The following MACROD2 variants were observed in gnomAD, a reference collection of about 807,000 sequenced individuals.
MACROD2 encodes the protein mono-ADP ribosylhydrolase 2.
MACROD2 carries 36 observed loss-of-function variants against 70.4 expected under a neutral mutation model. That is an observed-to-expected ratio of 0.51 (90% CI 0.39 to 0.68). The LOEUF is 0.68. MACROD2 is among the 30% of genes least tolerant of loss of function. MACROD2 has a pLI of 0.00. For missense variants in MACROD2, 496 were observed against 538.4 expected, an observed-to-expected ratio of 0.92 and a Z score of 0.78; for synonymous variants, 172 against 178.8, an observed-to-expected ratio of 0.96 and a Z score of 0.30.
intron 5 of MACROD2, among the ~76,000 whole-genome samples, chr20:15,127,069 C>G (rs962084358): frequency 6.6e-6 from 1 of 152,122 alleles, no homozygotes; most frequent in Admixed American, 6.6e-5. Context: ...CACTGCCACA[C>G]TCTTGGTTTT....
intron 6 of MACROD2, among the ~76,000 whole-genome samples, chr20:15,337,786 C>T (rs1254331696): frequency 6.6e-6 from 1 of 151,660 alleles, no homozygotes; most frequent in Non-Finnish European, 1.5e-5. Context: ...AATTACAGTA[C>T]AGCTTGTAGA....
chr20:14,917,377 C>T (rs2074105180), intron 5 of MACROD2, among the ~76,000 whole-genome samples: 1 of 151,960 alleles, frequency 6.6e-6, no homozygotes, highest in South Asian at 2.1e-4. Flanking sequence ...GCTGATTGTT[C>T]CATTGTGGGT....
At chr20:15,815,298 G>A (rs2063861205) in intron 8 of MACROD2, among the ~76,000 whole-genome samples, 1 of 152,244 alleles carries the variant, frequency 6.6e-6, no homozygotes, top group East Asian at 1.9e-4. Context: ...CCTCTCTAAA[G>A]TGCCTTAAAG....
chr20:14,221,435 A>G (rs1435614521), intron 3 of MACROD2, among the ~76,000 whole-genome samples: 1 of 152,214 alleles, frequency 6.6e-6, no homozygotes, highest in Non-Finnish European at 1.5e-5. Context: ...TACCCCCTGC[A>G]GAAAAATGAA....
At chr20:15,367,699 T>A (rs2045431446) in intron 6 of MACROD2, among the ~76,000 whole-genome samples, 1 of 152,146 alleles carries the variant, frequency 6.6e-6, no homozygotes, top group Non-Finnish European at 1.5e-5. Context: ...TTTTTTTGTT[T>A]GCTTTGTTTT....
chr20:15,330,535 G>A lies in MACROD2; in HGVS notation c.540+100474G>A, dbSNP rs1365360630. ...GAGGAGGGCTGATGGAAGATTATAA[G>A]CAGACCATTTCCAGAGCAACAAAAA... On this transcript the variant is annotated intron_variant, in intron 6 of 17. Transcript: ENST00000684519. Among the ~76,000 whole-genome samples the A allele has an allele frequency of 3.3e-5, 5 of 151,636 alleles. No individual in the cohort carries two copies. In the South Asian group the frequency reaches 1.0e-3, roughly 31 times the overall value.
At position 16,050,069 on chromosome 20, in the gene MACROD2, A is replaced by AG. The variant is rs987553519; in HGVS notation, c.*194dup. The AG allele has an allele frequency of 1.9e-6, 1 of 532,488 alleles. No individual in the cohort carries two copies. The highest frequency in any genetic ancestry group is 1.9e-5 in the African/African-American group (1 of 51,536). The allele number at this position is 532,488 out of a possible 1,614,324, so 33.0% of individuals were successfully genotyped here. A position where few individuals can be genotyped will look rare whatever the true frequency, so the allele number is the denominator to read the frequency against. The stretch of plus-strand genomic sequence containing the variant: ...AAAGAAAGAAAAAAAAGAAAAAAAA[A>AG]GTTTCCTTTAATTTGGTGGAGGGAC... On this transcript the variant is annotated 3_prime_UTR_variant, in exon 18 of 18. Transcript: ENST00000684519.
At chr20:15,993,184 G>C (rs887960842) in intron 15 of MACROD2, among the ~76,000 whole-genome samples, 1 of 151,740 alleles carries the variant, frequency 6.6e-6, no homozygotes. Context: ...TGATTAACTA[G>C]TAAGGGAATC....
intron 4 of MACROD2, among the ~76,000 whole-genome samples, chr20:14,575,148 T>A (rs1980511152): frequency 6.6e-6 from 1 of 151,938 alleles, no homozygotes; most frequent in Non-Finnish European, 1.5e-5. Context: ...TTTACCAAAT[T>A]GGAAATTAAA....
At chr20:15,620,902 C>G (rs2049115315) in intron 8 of MACROD2, among the ~76,000 whole-genome samples, 1 of 152,062 alleles carries the variant, frequency 6.6e-6, no homozygotes, top group Non-Finnish European at 1.5e-5. Flanking sequence ...AATGTGTTAT[C>G]AAGCAGTAGA....
chr20:15,802,967 G>A (rs960251302), intron 8 of MACROD2, among the ~76,000 whole-genome samples: 2 of 152,006 alleles, frequency 1.3e-5, no homozygotes, highest in African/African-American at 4.8e-5. Flanking sequence ...ATTAAAGCAG[G>A]AAGAAATAGA....
At chr20:15,827,277 A>G (rs2147111563) in intron 8 of MACROD2, among the ~76,000 whole-genome samples, 1 of 152,304 alleles carries the variant, frequency 6.6e-6, no homozygotes, top group East Asian at 1.9e-4. Flanking sequence ...ATTCAAGAGG[A>G]GACTTTGGAT....
intron 8 of MACROD2, among the ~76,000 whole-genome samples, chr20:15,693,865 C>T (rs1436910594): frequency 1.5e-5 from 2 of 137,840 alleles, no homozygotes; most frequent in African/African-American, 2.6e-5. Context: ...CCCTTGCCCC[C>T]CTCTCTCTCT....
At position 15,893,655 on chromosome 20, in the gene MACROD2, T is replaced by C. The variant is rs764013704; in HGVS notation, c.775+7844T>C. 35 of 455,770 alleles carry C rather than the reference T, an allele frequency of 7.7e-5. No homozygotes were observed. In the Middle Eastern group the frequency reaches 9.8e-4, roughly 13 times the overall value. The allele number at this position is 455,770 out of a possible 1,614,324, so 28.2% of individuals were successfully genotyped here. ...CCTCAAACCTAAGAGTAGTACAAACTTTTACACTTGATCTTAGCCCAAAGA... is the reference window on the plus strand; with the variant it reads ...CCTCAAACCTAAGAGTAGTACAAACCTTTACACTTGATCTTAGCCCAAAGA... On this transcript the variant is annotated intron_variant, in intron 10 of 17. Transcript: ENST00000684519.
At chr20:15,466,809 G>A (rs77342530) in intron 7 of MACROD2, among the ~76,000 whole-genome samples, 11,185 of 152,202 alleles carry the variant, frequency 0.073, 495 homozygotes, top group African/African-American at 0.11. Flanking sequence ...CTGAAAGAAG[G>A]TATTTCATGG....
chr20:14,729,034 T>C (rs1383611606), intron 5 of MACROD2, among the ~76,000 whole-genome samples: 1 of 152,162 alleles, frequency 6.6e-6, no homozygotes, highest in East Asian at 1.9e-4. Flanking sequence ...AATTTTTGTC[T>C]CCTTAGGATT....
chr20:14,474,233 C>CA (rs926756958), intron 3 of MACROD2, among the ~76,000 whole-genome samples: 1 of 151,774 alleles, frequency 6.6e-6, no homozygotes, highest in African/African-American at 2.4e-5. Flanking sequence ...AGGTCTTATC[C>CA]AAAAAAACCT....
At chr20:15,020,293 C>T (rs2122959658) in intron 5 of MACROD2, among the ~76,000 whole-genome samples, 1 of 152,230 alleles carries the variant, frequency 6.6e-6, no homozygotes, top group Admixed American at 6.5e-5. Flanking sequence ...TCTATCTATA[C>T]TTTAAGAATT....
At chr20:15,309,432 A>G (rs2077729931) in intron 6 of MACROD2, among the ~76,000 whole-genome samples, 1 of 152,144 alleles carries the variant, frequency 6.6e-6, no homozygotes, top group Non-Finnish European at 1.5e-5. Flanking sequence ...GCATCACCCT[A>G]ATTGGCACCT....
Sources: gnomAD v4.1 joint callset for allele counts (sites outside exome capture counted in the v4.1 genomes callset) on GRCh38, gnomAD v4.1.1 for gene constraint, MANE v1.5 for transcripts, NCBI Gene and HGNC (gene_info 2026-07-23, HGNC 2026-07-21) for gene names.